Variants in RALGAPA2 observed in about 807,000 individuals in gnomAD.
RALGAPA2 encodes Ral GTPase activating protein catalytic subunit alpha 2.
Under a neutral mutation model 230.4 loss-of-function variants are expected in RALGAPA2, and 139 were observed. The ratio of observed to expected loss-of-function variants is 0.60; its 90% CI spans 0.53 to 0.69. The LOEUF (loss-of-function observed/expected upper bound fraction) is 0.69. RALGAPA2 is among the 30% of genes least tolerant of loss of function. The pLI, the probability that RALGAPA2 is intolerant of heterozygous loss-of-function variation, is 0.00. For missense variants in RALGAPA2, 2,163 were observed against 2,276.0 expected (o/e 0.95, Z 1.01); for synonymous variants, 847 against 837.8 (o/e 1.01, Z -0.19).
intron 1 of RALGAPA2, among the ~76,000 whole-genome samples, chr20:20,693,772 G>C (rs1024737536): frequency 6.6e-6 from 1 of 152,124 alleles, no homozygotes; most frequent in Non-Finnish European, 1.5e-5. Context: ...AACCCAGACA[G>C]TCAGGCTCCC....
intron 20 of RALGAPA2, among the ~76,000 whole-genome samples, chr20:20,582,406 A>T (rs758214308): frequency 1.7e-4 from 26 of 152,196 alleles, no homozygotes; most frequent in Non-Finnish European, 3.7e-4. Context: ...AAGCCGACCC[A>T]GAAAGTTTGG....
chr20:20,624,672 T>C (rs1257778931), intron 10 of RALGAPA2, among the ~76,000 whole-genome samples: 1 of 152,176 alleles, frequency 6.6e-6, no homozygotes, highest in Non-Finnish European at 1.5e-5. Context: ...AAACCCATAG[T>C]GCTATCTAAA....
At chr20:20,536,809 C>A in intron 24 of RALGAPA2, 25 bp from the exon 25 acceptor site, 1 of 1,600,420 alleles carries the variant, frequency 6.2e-7, no homozygotes, top group South Asian at 1.1e-5. Context: ...GAGGAGCACA[C>A]ACATTTCTCT....
intron 20 of RALGAPA2, among the ~76,000 whole-genome samples, chr20:20,579,493 C>T (rs1017943967): frequency 6.6e-6 from 1 of 152,130 alleles, no homozygotes; most frequent in Non-Finnish European, 1.5e-5. Flanking sequence ...CTAACAAGAA[C>T]ATGGAAAGAA....
chr20:20,411,998 CGT>C, intron 38 of RALGAPA2, 27 bp downstream of exon 38: 1 of 1,613,400 alleles, frequency 6.2e-7, no homozygotes, highest in Middle Eastern at 1.7e-4. Flanking sequence ...GTCTTAAGCG[CGT>C]GAGAGAAGAA....
At chr20:20,608,676 G>A (rs1235554065) in intron 14 of RALGAPA2, among the ~76,000 whole-genome samples, 3 of 152,178 alleles carry the variant, frequency 2.0e-5, no homozygotes, top group Admixed American at 6.5e-5. Context: ...TAACGGCAGC[G>A]TGGGACCAAG....
chr20:20,572,749 G>T, intron 21 of RALGAPA2, 126 bp downstream of exon 21: 2 of 790,916 alleles, frequency 2.5e-6, no homozygotes, highest in Admixed American at 3.5e-5. Flanking sequence ...TAATCAAATG[G>T]ACTTTGTCTA....
At chr20:20,531,535 G>C (rs1257313314) in intron 27 of RALGAPA2, among the ~76,000 whole-genome samples, 152 bp downstream of exon 27, 4 of 152,218 alleles carry the variant, frequency 2.6e-5, no homozygotes, top group Admixed American at 2.6e-4. Flanking sequence ...GCATCCGTTG[G>C]TGCCCCTCCC....
chr20:20,478,514 A>G (rs959379307), intron 36 of RALGAPA2, among the ~76,000 whole-genome samples: 1 of 152,096 alleles, frequency 6.6e-6, no homozygotes, highest in African/African-American at 2.4e-5. Context: ...AAAAAAAATC[A>G]TGTCCTTTGC....
At chr20:20,555,865 T>C (rs892711955) in intron 23 of RALGAPA2, among the ~76,000 whole-genome samples, 18 of 152,200 alleles carry the variant, frequency 1.2e-4, no homozygotes, top group African/African-American at 4.3e-4. Context: ...ATACATATCT[T>C]TCATTTTTCT....
At chr20:20,575,390 A>G (rs1334723802) in intron 20 of RALGAPA2, among the ~76,000 whole-genome samples, 1 of 151,422 alleles carries the variant, frequency 6.6e-6, no homozygotes, top group Non-Finnish European at 1.5e-5. Flanking sequence ...CCTCAGATAT[A>G]TGTATGTTGA....
chr20:20,524,136 T>G (rs980600775), intron 30 of RALGAPA2, among the ~76,000 whole-genome samples: 1 of 152,090 alleles, frequency 6.6e-6, no homozygotes, highest in Non-Finnish European at 1.5e-5. Context: ...TTTTGTACTT[T>G]TAGTAGAGAT....
At chr20:20,585,821 A>C (rs2065117789) in intron 18 of RALGAPA2, among the ~76,000 whole-genome samples, 1 of 152,212 alleles carries the variant, frequency 6.6e-6, no homozygotes, top group African/African-American at 2.4e-5. Context: ...CACAGCTGCC[A>C]GTGGGCCTTG....
chr20:20,499,707 T>G (rs2062316881), intron 35 of RALGAPA2, among the ~76,000 whole-genome samples: 1 of 152,180 alleles, frequency 6.6e-6, no homozygotes, highest in Non-Finnish European at 1.5e-5. Flanking sequence ...TATAGCATGC[T>G]GGGGCAGGAG....
intron 1 of RALGAPA2, among the ~76,000 whole-genome samples, chr20:20,710,359 A>G (rs962690963): frequency 2.0e-5 from 3 of 152,226 alleles, no homozygotes; most frequent in Admixed American, 6.5e-5. Context: ...ATGAAATAGA[A>G]TATGTGATTA....
chr20:20,629,876 C>T (rs2146420136), intron 9 of RALGAPA2, among the ~76,000 whole-genome samples: 2 of 152,332 alleles, frequency 1.3e-5, no homozygotes, highest in Middle Eastern at 3.4e-3. Flanking sequence ...GTTTAATTTG[C>T]ATTGTAAAAC....
At chr20:20,595,087 A>G (rs1275624396) in intron 16 of RALGAPA2, among the ~76,000 whole-genome samples, 1 of 152,056 alleles carries the variant, frequency 6.6e-6, no homozygotes, top group African/African-American at 2.4e-5. Context: ...ACTTAATTTC[A>G]TTTTTTTCCA....
At position 20,601,665 on chromosome 20, in the gene RALGAPA2, T is replaced by C; in HGVS notation, c.2203+17A>G. The C allele has an allele frequency of 1.2e-6, 2 of 1,602,322 alleles. No individual in the cohort carries two copies. Among genetic ancestry groups the C allele is most frequent in the Non-Finnish European group, 1.7e-6 (2 of 1,174,952 alleles). ...ATAACAATTAGATTTTTGAGAAGCA[T>C]TTAAATAAATGTTTACCAGTTGCTT... On this transcript the variant is annotated intron_variant, in intron 16 of 39. Coordinates refer to ENST00000202677, the MANE Select transcript of RALGAPA2 (RefSeq NM_020343.4).
chr20:20,533,969 C>T (rs1378224045), intron 26 of RALGAPA2, among the ~76,000 whole-genome samples: 2 of 151,982 alleles, frequency 1.3e-5, no homozygotes, highest in Non-Finnish European at 2.9e-5. Context: ...TAGAAAAGAG[C>T]AGACAGTGGC....
Sources: allele counts gnomAD v4.1 joint callset (sites outside exome capture counted in the v4.1 genomes callset), GRCh38; gene constraint gnomAD v4.1.1; transcripts MANE v1.5; gene names NCBI Gene and HGNC (gene_info 2026-07-23, HGNC 2026-07-21).